The following DMRT1 variants were observed in gnomAD, a reference collection of about 807,000 sequenced individuals.
DMRT1 encodes doublesex and mab-3 related transcription factor 1.
A neutral mutation model predicts 32.3 loss-of-function variants in DMRT1; 7 were observed. The observed-to-expected ratio is 0.22, with a 90% CI of 0.12 to 0.41. The LOEUF is 0.41. Among genes scored for constraint, DMRT1 ranks in the 10% least tolerant of loss-of-function variants. DMRT1 has a pLI of 1.00. For synonymous variants in DMRT1, 278 were observed against 206.1 expected (o/e 1.35, Z -2.99); for missense variants, 625 against 500.5 (o/e 1.25, Z -2.37).
chr9:951,451 T>C (rs1819424809), intron 4 of DMRT1, among the ~76,000 whole-genome samples: 1 of 152,216 alleles, frequency 6.6e-6, no homozygotes, highest in Non-Finnish European at 1.5e-5. Flanking sequence ...AAACTTGATT[T>C]ATCCACTTAC....
rs372875895 is a variant in DMRT1 at position 865,339 on chromosome 9, CTGTT to C, written c.538+18201_538+18204del. The stretch of plus-strand genomic sequence containing the variant: ...TTTTCAGCAGTTCATTTAACTTTGT[CTGTT>C]TGTTCATTTGTGAAATGAATAAAAT... On this transcript the variant is annotated intron_variant, in intron 2 of 4. Transcript: ENST00000382276. Among the ~76,000 whole-genome samples, 823 of 152,212 alleles carry C rather than the reference CTGTT, an allele frequency of 5.4e-3. 13 individuals carry two copies. Among genetic ancestry groups the C allele is most frequent in the African/African-American group, 0.018 (766 of 41,536 alleles).
chr9:852,488 T>C (rs2132555605), intron 2 of DMRT1, among the ~76,000 whole-genome samples: 1 of 152,272 alleles, frequency 6.6e-6, no homozygotes, highest in African/African-American at 2.4e-5. Flanking sequence ...TTTTGTTTTA[T>C]TTAATATTCT....
intron 2 of DMRT1, among the ~76,000 whole-genome samples, chr9:871,886 A>C (rs1050974719): frequency 2.0e-5 from 3 of 151,326 alleles, no homozygotes; most frequent in African/African-American, 7.4e-5. Flanking sequence ...CACTGCTTTG[A>C]GTTTAAAACG....
intron 4 of DMRT1, among the ~76,000 whole-genome samples, chr9:940,895 C>A (rs758024643): frequency 6.6e-6 from 1 of 152,206 alleles, no homozygotes; most frequent in African/African-American, 2.4e-5. Context: ...ACAGACATTT[C>A]TCCAAAGAAG....
At chr9:921,362 G>A (rs1448654512) in intron 4 of DMRT1, among the ~76,000 whole-genome samples, 1 of 152,132 alleles carries the variant, frequency 6.6e-6, no homozygotes, top group African/African-American at 2.4e-5. Flanking sequence ...AGTATGGATG[G>A]ATATACCACA....
chr9:953,959 T>G (rs1025232345), intron 4 of DMRT1, among the ~76,000 whole-genome samples: 4 of 152,130 alleles, frequency 2.6e-5, no homozygotes, highest in African/African-American at 9.7e-5. Flanking sequence ...AAAGTGATAG[T>G]GGCACAAGGA....
In DMRT1 at chr9:865,117, A is replaced by G. The variant is rs188272405; in HGVS notation, c.538+17974A>G. On this transcript the variant is annotated intron_variant, in intron 2 of 4. Coordinates refer to ENST00000382276, the MANE Select transcript of DMRT1 (RefSeq NM_021951.3). ...GCGTTGATGTGGAATGAGCATTGTC[A>G]TTATTCCTGCATGACGTTTCCAGGT... Among the ~76,000 whole-genome samples, 149 of 152,314 alleles carry G rather than the reference A, an allele frequency of 9.8e-4. 1 individual carries two copies. Among genetic ancestry groups the G allele is most frequent in the African/African-American group, 3.4e-3 (143 of 41,572 alleles).
intron 2 of DMRT1, among the ~76,000 whole-genome samples, chr9:892,556 A>C (rs1387298497): frequency 1.3e-5 from 2 of 151,792 alleles, no homozygotes; most frequent in African/African-American, 4.8e-5. Context: ...CTCCTCTCTT[A>C]CATTTGCAGG....
rs933881213 is a variant in DMRT1, at chr9:859,386, G to A, written c.538+12243G>A. On this transcript the variant is annotated intron_variant, in intron 2 of 4. Coordinates refer to ENST00000382276, the MANE Select transcript of DMRT1 (RefSeq NM_021951.3). ...TGATCTGGACTCTGAGCCTAGGAGT[G>A]CCCTTAGTTGTACCGTGAAGCAAAG... is the stretch of plus-strand genomic sequence containing the variant. Among the ~76,000 whole-genome samples, 4 of 152,116 alleles carry A rather than the reference G, an allele frequency of 2.6e-5. No individual in the cohort carries two copies. In the East Asian group the frequency reaches 7.7e-4, roughly 29 times the overall value.
intron 2 of DMRT1, among the ~76,000 whole-genome samples, chr9:884,737 G>A (rs1480803841): frequency 1.3e-5 from 2 of 152,150 alleles, no homozygotes; most frequent in Non-Finnish European, 2.9e-5. Flanking sequence ...TTGGGAGGCC[G>A]AGGCAGGCAG....
intron 2 of DMRT1, among the ~76,000 whole-genome samples, chr9:873,608 C>G (rs766023721): frequency 3.9e-5 from 6 of 152,100 alleles, no homozygotes; most frequent in African/African-American, 1.4e-4. Context: ...CGTGATCCAC[C>G]GCGCCCAGCC....
At chr9:928,921 T>C (rs1818619199) in intron 4 of DMRT1, among the ~76,000 whole-genome samples, 1 of 151,890 alleles carries the variant, frequency 6.6e-6, no homozygotes, top group Non-Finnish European at 1.5e-5. Flanking sequence ...CACTGCAACC[T>C]CCGCCTCCCA....
intron 3 of DMRT1, among the ~76,000 whole-genome samples, chr9:909,426 T>A (rs1450756737): frequency 2.0e-5 from 3 of 152,180 alleles, no homozygotes; most frequent in Admixed American, 6.5e-5. Context: ...GTGAAGTCTG[T>A]AGGCTCAGAC....
rs985560204 is a variant in DMRT1, at chr9:908,233, A to T, written c.823-8530A>T. Among the ~76,000 whole-genome samples, 3 of 152,064 alleles carry T rather than the reference A, an allele frequency of 2.0e-5. No homozygotes were observed. In the South Asian group the frequency reaches 6.2e-4, roughly 32 times the overall value. ...TTGGAGGGGGGCCCAAGGTGAGAGG[A>T]TCACTTGAGGCCAGGAATTCAAGAC... is the stretch of plus-strand genomic sequence containing the variant. On this transcript the variant is annotated intron_variant, in intron 3 of 4. Transcript: ENST00000382276.
At position 841,883 on chromosome 9, in the gene DMRT1, A is replaced by C. The variant is rs1363701083; in HGVS notation, c.45A>C (p.Glu15Asp). The change falls in exon 1 of 5, where the codon GAA becomes GAC. Residue 15 changes from glutamate to aspartate, a missense_variant. By Grantham distance (45) the Glu-to-Asp change is conservative (BLOSUM62 2). Coordinates refer to ENST00000382276, the MANE Select transcript of DMRT1 (RefSeq NM_021951.3). ...EAFSKPSTPS[E>D]APHAPGVPPQ... ...TCAGCAAGCCCTCTACACCGTCGGAAGCCCCTCACGCCCCCGGGGTACCGC... is the reference window on the plus strand; with the variant it reads ...TCAGCAAGCCCTCTACACCGTCGGACGCCCCTCACGCCCCCGGGGTACCGC... The C allele has an allele frequency of 6.2e-7, 1 of 1,612,320 alleles. No homozygotes were observed. Among genetic ancestry groups the C allele is most frequent in the African/African-American group, 1.3e-5 (1 of 74,910 alleles).
intron 3 of DMRT1, among the ~76,000 whole-genome samples, chr9:902,731 C>T (rs10977376): frequency 0.042 from 6,357 of 151,998 alleles, 394 homozygotes; most frequent in African/African-American, 0.13. Context: ...TCGAGTGATC[C>T]GCCCACCTCA....
chr9:967,434 T>C (rs1819964250), intron 4 of DMRT1, among the ~76,000 whole-genome samples: 1 of 152,244 alleles, frequency 6.6e-6, no homozygotes. Flanking sequence ...TGTCTTTTAC[T>C]TTTTAAAAGT....
chr9:865,938 C>T (rs990402618), intron 2 of DMRT1, among the ~76,000 whole-genome samples: 2 of 151,966 alleles, frequency 1.3e-5, no homozygotes, highest in South Asian at 2.1e-4. Context: ...CCAAGGTGGG[C>T]GGATCACCTA....
At chr9:935,252 T>G (rs1413963330) in intron 4 of DMRT1, among the ~76,000 whole-genome samples, 2 of 152,344 alleles carry the variant, frequency 1.3e-5, no homozygotes, top group Non-Finnish European at 2.9e-5. Flanking sequence ...TATCCTCTAG[T>G]GTCCTATAGG....
Sources: allele counts gnomAD v4.1 joint callset (sites outside exome capture counted in the v4.1 genomes callset), GRCh38; gene constraint gnomAD v4.1.1; transcripts MANE v1.5; gene names NCBI Gene and HGNC (gene_info 2026-07-23, HGNC 2026-07-21).